SETX: variants seen among roughly 807,000 people sequenced by gnomAD.
The protein encoded by SETX is senataxin.
Under a neutral mutation model 227.2 loss-of-function variants are expected in SETX, and 90 were observed. The ratio of observed to expected loss-of-function variants is 0.40; its 90% CI spans 0.33 to 0.47. The LOEUF is 0.47. Ranked by LOEUF, SETX falls within the 20% of genes least tolerant of loss-of-function variation. The pLI is 0.91. For synonymous variants in SETX, 1,210 were observed against 1,113.2 expected (o/e 1.09, Z -1.73); for missense variants, 3,052 against 3,181.5 (o/e 0.96, Z 0.98).
chr9:132,313,495 G>T (rs562498863), intron 10 of SETX, among the ~76,000 whole-genome samples: 4 of 152,164 alleles, frequency 2.6e-5, no homozygotes, highest in Admixed American at 2.0e-4. Flanking sequence ...AATGATAGCT[G>T]AAATTCTGGA....
intron 11 of SETX, among the ~76,000 whole-genome samples, chr9:132,308,987 AAT>A (rs1845492021): frequency 6.6e-6 from 1 of 151,986 alleles, no homozygotes; most frequent in Non-Finnish European, 1.5e-5. Flanking sequence ...AAAATACAAA[AAT>A]TTGCCAGGCA....
In SETX at chr9:132,336,299, A is replaced by G; in HGVS notation, c.715T>C (p.Leu239=). Residue 239 remains leucine, a synonymous_variant, in exon 6 of 26, where the codon TTA becomes CTA. Transcript: ENST00000224140. ...YDTTNYKSYW[L]GICMLLTILE... ...TTAGTGTAGGAATAATACTCACCTA[A>G]CCAATAGCTTTTGTAGTTGGTAGTA... is the stretch of plus-strand genomic sequence containing the variant. 6.2e-7 allele frequency: 1 copy of G among 1,609,922 alleles called. No individual in the cohort carries two copies. Among genetic ancestry groups the G allele is most frequent in the South Asian group, 1.1e-5 (1 of 90,982 alleles).
intron 4 of SETX, among the ~76,000 whole-genome samples, chr9:132,344,720 A>T (rs1589780050): frequency 2.0e-5 from 3 of 152,156 alleles, no homozygotes; most frequent in Admixed American, 2.0e-4. Context: ...CTAAAAATAC[A>T]AAAAATTAGC....
chr9:132,300,079 G>C (rs376974179), intron 12 of SETX, among the ~76,000 whole-genome samples: 2 of 123,516 alleles, frequency 1.6e-5, no homozygotes, highest in East Asian at 5.4e-4. Context: ...GCAGTGAGCC[G>C]ATACAGCACC....
intron 7 of SETX, among the ~76,000 whole-genome samples, chr9:132,332,300 A>G (rs1847285342): frequency 6.6e-6 from 1 of 152,226 alleles, no homozygotes; most frequent in South Asian, 2.1e-4. Flanking sequence ...CAATTCTAGC[A>G]CAACATATCA....
chr9:132,316,644 C>G (rs1845985657), intron 10 of SETX, among the ~76,000 whole-genome samples: 1 of 152,212 alleles, frequency 6.6e-6, no homozygotes, highest in South Asian at 2.1e-4. Flanking sequence ...CCCAATGAAG[C>G]AGGCCAGTTT....
rs544828312 is a variant in SETX at position 132,329,610 on chromosome 9, G to C, written c.1988C>G (p.Thr663Ser). ...TTGCTCATTATTGTCACCTTCTATA[G>C]TGTTATCTGCTTTGATCAATACACT... ...QDSVLIKADN[T>S]IEGDNNEQNY... Residue 663 changes from threonine (T) to serine (S), a missense_variant, in exon 10 of 26, where the codon ACT (threonine) becomes AGT (serine). By Grantham distance (58) the Thr-to-Ser change is moderately conservative. This residue lies in a region of SETX where 1,483 missense variants were observed against 1,312.0 expected (regional missense o/e 1.13). Coordinates refer to ENST00000224140, the MANE Select transcript of SETX (RefSeq NM_015046.7). 6.2e-7 allele frequency: 1 copy of C among 1,613,790 alleles called. No homozygotes were observed. The highest frequency in any genetic ancestry group is 8.5e-7 in the Non-Finnish European group (1 of 1,179,952).
rs530876363 is a variant in SETX, at chr9:132,326,192, G to A, written c.5274+132C>T. 1,187 of 727,200 alleles carry A rather than the reference G, an allele frequency of 1.6e-3. 2 individuals carry two copies. The highest frequency in any genetic ancestry group is 2.5e-3 in the East Asian group (92 of 36,866). The allele number at this position is 727,200 out of a possible 1,614,324, so 45.0% of individuals were successfully genotyped here. A position where few individuals can be genotyped will look rare whatever the true frequency, so the allele number is the denominator to read the frequency against. On this transcript the variant is annotated intron_variant, in intron 10 of 25. Transcript: ENST00000224140. ...AAGCAATTCTCTGCCTCAGCCTCCC[G>A]AGTAGCTGGGATTACAGGTGCCCGC...
intron 14 of SETX, among the ~76,000 whole-genome samples, chr9:132,296,617 A>C (rs931411926): frequency 6.6e-6 from 1 of 151,992 alleles, no homozygotes; most frequent in Non-Finnish European, 1.5e-5. Context: ...CATTCACAGC[A>C]TTCTACGTGA....
At position 132,264,420 on chromosome 9, in the gene SETX, C is replaced by A. The variant is rs922155637; in HGVS notation, c.7853G>T (p.Cys2618Phe). The A allele has an allele frequency of 2.5e-6, 4 of 1,614,008 alleles. No homozygotes were observed. In the African/African-American group the frequency reaches 4.0e-5, roughly 16 times the overall value. The change falls in exon 26 of 26, where the codon TGT becomes TTT. Residue 2618 changes from cysteine to phenylalanine, a missense_variant. Physicochemically the swap from Cys to Phe is radical, Grantham distance 205 (BLOSUM62 -2). Transcript: ENST00000224140. Reference sequence around the variant, plus strand: ...TTCCGGGTCATCACATTTGCTCTGACACGTGGAAGCCTCGGGACTGGCAGC... The same window carrying A: ...TTCCGGGTCATCACATTTGCTCTGAAACGTGGAAGCCTCGGGACTGGCAGC... ...PPAASPEAST[C>F]QSKCDDPEEE...
Position 132,286,697 on chromosome 9 carries a change from G to A in SETX, c.6325-203C>T, listed in dbSNP as rs182554107. ...CTCAGCTGTGTTCTGTGCGCTGCAC[G>A]TGAGCTGTCTGCTTAGCATTCCAGC... On this transcript the variant is annotated intron_variant, in intron 17 of 25. Coordinates refer to ENST00000224140, the MANE Select transcript of SETX (RefSeq NM_015046.7). Among the ~76,000 whole-genome samples, 783 of 152,234 alleles carry A rather than the reference G, an allele frequency of 5.1e-3. 8 individuals are homozygous for A. The highest frequency in any genetic ancestry group is 0.028 in the Admixed American group (425 of 15,292).
In SETX at chr9:132,327,909, G is replaced by A. The variant is rs1191338414; in HGVS notation, c.3689C>T (p.Thr1230Ile). Residue 1230 changes from threonine (T) to isoleucine (I), a missense_variant, in exon 10 of 26, where the codon ACA becomes ATA. By Grantham distance (89) the Thr-to-Ile change is moderately conservative. Transcript: ENST00000224140. ...QKKSSKLCTCTEPIRKVPVSK... is the reference protein window; with the variant it reads ...QKKSSKLCTCIEPIRKVPVSK... Reference sequence around the variant, plus strand: ...AACTGGAACTTTCCTGATGGGTTCTGTACAAGTACAAAGCTTTGAAGACTT... The same window carrying A: ...AACTGGAACTTTCCTGATGGGTTCTATACAAGTACAAAGCTTTGAAGACTT... The A allele has an allele frequency of 1.9e-6, 3 of 1,614,148 alleles. No homozygotes were observed. The highest frequency in any genetic ancestry group is 1.7e-6 in the Non-Finnish European group (2 of 1,180,020).
At chr9:132,280,262 A>G (rs1843424338) in intron 20 of SETX, among the ~76,000 whole-genome samples, 1 of 149,754 alleles carries the variant, frequency 6.7e-6, no homozygotes, top group Admixed American at 6.7e-5. Context: ...TATTTGTACA[A>G]CAATTTAAAC....
At chr9:132,282,534 C>A (rs1283250887) in intron 19 of SETX, among the ~76,000 whole-genome samples, 1 of 152,064 alleles carries the variant, frequency 6.6e-6, no homozygotes, top group Non-Finnish European at 1.5e-5. Context: ...AAGCGATCCA[C>A]CCTCCTCAGT....
At position 132,328,174 on chromosome 9, in the gene SETX, T is replaced by C. The variant is rs767472574; in HGVS notation, c.3424A>G (p.Thr1142Ala). ...TCAACAGAAATACTCCGTGGTCTTG[T>C]GTGTTCTTCAATGCCCTCTGCTCCT... is the stretch of plus-strand genomic sequence containing the variant. ...KKGAEGIEEH[T>A]RPRSISVEEF... The change falls in exon 10 of 26, where the codon ACA becomes GCA. Residue 1142 changes from threonine to alanine, a missense_variant. By Grantham distance (58) the Thr-to-Ala change is moderately conservative. Coordinates refer to ENST00000224140, the MANE Select transcript of SETX (RefSeq NM_015046.7). 3 of 1,614,110 alleles carry C rather than the reference T, an allele frequency of 1.9e-6. No individual in the cohort carries two copies. Among genetic ancestry groups the C allele is most frequent in the African/African-American group, 2.7e-5 (2 of 74,940 alleles).
intron 15 of SETX, among the ~76,000 whole-genome samples, chr9:132,292,203 G>A (rs1000896115): frequency 2.0e-5 from 3 of 152,010 alleles, no homozygotes; most frequent in Non-Finnish European, 4.4e-5. Context: ...AGCACCTTGG[G>A]AGGCTGAGGC....
At chr9:132,352,394 T>G (rs12351324) in intron 2 of SETX, among the ~76,000 whole-genome samples, 2,809 of 152,284 alleles carry the variant, frequency 0.018, 84 homozygotes, top group African/African-American at 0.064. Context: ...CTGGGCGGCC[T>G]ACTTCAAACC....
chr9:132,344,076 GA>G (rs1848152386), intron 4 of SETX, among the ~76,000 whole-genome samples: 1 of 152,160 alleles, frequency 6.6e-6, no homozygotes. Context: ...TTGGCCCTGA[GA>G]AATCAGCGTA....
chr9:132,341,781 G>T (rs1847985265), intron 5 of SETX, among the ~76,000 whole-genome samples: 1 of 152,154 alleles, frequency 6.6e-6, no homozygotes, highest in Admixed American at 6.5e-5. Flanking sequence ...CTTGCCTGGA[G>T]TATACTTCTA....
Sources: allele counts gnomAD v4.1 joint callset (sites outside exome capture counted in the v4.1 genomes callset), GRCh38; gene constraint gnomAD v4.1.1; regional missense constraint gnomAD v4.1.1; transcripts MANE v1.5; gene names NCBI Gene and HGNC (gene_info 2026-07-23, HGNC 2026-07-21).